EPB41L2: variants seen among roughly 807,000 people sequenced by gnomAD.
EPB41L2 encodes erythrocyte membrane protein band 4.1 like 2.
A neutral mutation model predicts 113.0 loss-of-function variants in EPB41L2; 43 were observed. The ratio of observed to expected loss-of-function variants is 0.38; its 90% CI spans 0.30 to 0.49. EPB41L2 has a LOEUF of 0.49. EPB41L2 is among the 20% of genes least tolerant of loss of function. The pLI is 0.95. For missense variants in EPB41L2, 1,147 were observed against 1,223.4 expected (o/e 0.94, Z 0.93); for synonymous variants, 442 against 436.7 (o/e 1.01, Z -0.15).
At chr6:130,971,957 G>C in intron 1 of EPB41L2, among the ~76,000 whole-genome samples, 1 of 152,100 alleles carries the variant, frequency 6.6e-6, no homozygotes, top group South Asian at 2.1e-4. Context: ...TTTTAACCTA[G>C]ATAGTATAGT....
At chr6:130,954,215 G>A (rs987157128) in intron 3 of EPB41L2, among the ~76,000 whole-genome samples, 2 of 151,618 alleles carry the variant, frequency 1.3e-5, no homozygotes, top group African/African-American at 4.8e-5. Flanking sequence ...ACTACGCCTG[G>A]CTAATTTTTT....
At chr6:130,867,087 G>A (rs939747772) in intron 16 of EPB41L2, among the ~76,000 whole-genome samples, 1 of 151,984 alleles carries the variant, frequency 6.6e-6, no homozygotes, top group African/African-American at 2.4e-5. Context: ...CAATTAGATC[G>A]GATTATTATT....
chr6:130,875,182 G>T (rs1435787307), intron 14 of EPB41L2, among the ~76,000 whole-genome samples: 1 of 152,080 alleles, frequency 6.6e-6, no homozygotes, highest in Non-Finnish European at 1.5e-5. Context: ...GTGTTCTGAT[G>T]AATACTCTCT....
chr6:130,908,122 CA>C (rs1384551688), intron 5 of EPB41L2, among the ~76,000 whole-genome samples: 5 of 151,918 alleles, frequency 3.3e-5, no homozygotes, highest in African/African-American at 1.2e-4. Context: ...GCACAGATAC[CA>C]AAAAAACAGC....
chr6:131,048,959 C>T (rs1236767833), intron 1 of EPB41L2, among the ~76,000 whole-genome samples: 1 of 151,944 alleles, frequency 6.6e-6, no homozygotes, highest in African/African-American at 2.4e-5. Context: ...ATGTGTTCTA[C>T]ACAGAGCAAG....
chr6:131,018,049 T>C (rs1040098344), intron 1 of EPB41L2, among the ~76,000 whole-genome samples: 1 of 152,202 alleles, frequency 6.6e-6, no homozygotes, highest in African/African-American at 2.4e-5. Flanking sequence ...TTCAACAGGA[T>C]TGCCACTTGG....
intron 1 of EPB41L2, among the ~76,000 whole-genome samples, chr6:130,964,832 A>T (rs1340615214): frequency 1.3e-5 from 2 of 152,196 alleles, no homozygotes; most frequent in East Asian, 1.9e-4. Flanking sequence ...GAAGAAGGTA[A>T]AAAGAGGATA....
At chr6:130,862,359 C>CAA (rs1170188049) in intron 18 of EPB41L2, among the ~76,000 whole-genome samples, 1 of 152,026 alleles carries the variant, frequency 6.6e-6, no homozygotes, top group South Asian at 2.1e-4. Flanking sequence ...TCCACCATGC[C>CAA]AAAAAATGTG....
chr6:130,853,163 A>AATGG (rs1779244350), intron 19 of EPB41L2, among the ~76,000 whole-genome samples: 2 of 152,218 alleles, frequency 1.3e-5, no homozygotes, highest in East Asian at 3.8e-4. Context: ...CAAATAAATG[A>AATGG]ATGGATGAGT....
chr6:130,942,996 T>C (rs148984001), intron 3 of EPB41L2, among the ~76,000 whole-genome samples: 47 of 152,336 alleles, frequency 3.1e-4, no homozygotes, highest in East Asian at 2.7e-3. Flanking sequence ...CAGTCTATCA[T>C]TGATGGGCAT....
At chr6:131,061,496 C>T (rs1173269163) in intron 1 of EPB41L2, among the ~76,000 whole-genome samples, 1 of 152,200 alleles carries the variant, frequency 6.6e-6, no homozygotes, top group African/African-American at 2.4e-5. Flanking sequence ...ACGGATGGAG[C>T]CAGTTGGCCC....
intron 1 of EPB41L2, among the ~76,000 whole-genome samples, chr6:131,013,868 C>A (rs568285328): frequency 1.3e-5 from 2 of 152,216 alleles, no homozygotes; most frequent in East Asian, 3.9e-4. Flanking sequence ...TTTATTAAAT[C>A]AGCTCATAAA....
At chr6:130,904,957 T>C (rs1797307998) in intron 5 of EPB41L2, among the ~76,000 whole-genome samples, 1 of 150,210 alleles carries the variant, frequency 6.7e-6, no homozygotes, top group African/African-American at 2.5e-5. Flanking sequence ...TACATTGTTG[T>C]GGGGAAGGAG....
intron 1 of EPB41L2, among the ~76,000 whole-genome samples, chr6:131,055,891 G>T (rs987586522): frequency 2.0e-5 from 3 of 152,086 alleles, no homozygotes; most frequent in Non-Finnish European, 4.4e-5. Flanking sequence ...AAAGCTTCAG[G>T]CCTTACAGGA....
intron 3 of EPB41L2, among the ~76,000 whole-genome samples, chr6:130,934,600 G>C (rs1808116037): frequency 6.6e-6 from 1 of 152,034 alleles, no homozygotes; most frequent in South Asian, 2.1e-4. Flanking sequence ...AGCCTCCTGA[G>C]TATCTGAGAC....
rs141665806 is a variant in EPB41L2 at position 130,907,534 on chromosome 6, T to C, written c.853+1287A>G. Among the ~76,000 whole-genome samples, 507 of 152,192 alleles carry C rather than the reference T, an allele frequency of 3.3e-3. 1 individual carries two copies. Among genetic ancestry groups the C allele is most frequent in the African/African-American group, 0.012 (492 of 41,508 alleles). On this transcript the variant is annotated intron_variant, in intron 5 of 19. Transcript: ENST00000337057. ...CAGCTTTAGCACTTAAAGTCTCATA[T>C]CCTGAGAAGCCCCTCAGTCCTGGGC...
chr6:130,867,660 A>T, intron 15 of EPB41L2, 79 bp from the exon 16 acceptor site: 1 of 1,518,562 alleles, frequency 6.6e-7, no homozygotes, highest in Non-Finnish European at 9.1e-7. Flanking sequence ...CACAAATAAT[A>T]GTAAGAAACA....
chr6:130,844,085 T>C (rs956170282), intron 19 of EPB41L2, among the ~76,000 whole-genome samples: 1 of 152,224 alleles, frequency 6.6e-6, no homozygotes, highest in African/African-American at 2.4e-5. Flanking sequence ...ATACTAGCAA[T>C]GCTGCCTTTA....
intron 7 of EPB41L2, 38 bp from the exon 8 acceptor site, chr6:130,899,616 A>G: frequency 6.4e-7 from 1 of 1,568,176 alleles, no homozygotes; most frequent in South Asian, 1.1e-5. Flanking sequence ...TTATTAATGG[A>G]TGCAGAGCAA....
Sources: allele counts gnomAD v4.1 joint callset (sites outside exome capture counted in the v4.1 genomes callset), GRCh38; gene constraint gnomAD v4.1.1; transcripts MANE v1.5; gene names NCBI Gene and HGNC (gene_info 2026-07-23, HGNC 2026-07-21).